Variants in ZNF398 observed in about 807,000 individuals in gnomAD.
ZNF398 encodes zinc finger protein 398.
A neutral mutation model predicts 41.9 loss-of-function variants in ZNF398; 18 were observed. That is an observed-to-expected ratio of 0.43 (90% CI 0.30 to 0.64). The LOEUF is 0.64. ZNF398 is among the 30% of genes least tolerant of loss of function. The pLI, the probability that ZNF398 is intolerant of heterozygous loss-of-function variation, is 0.14. For synonymous variants in ZNF398, 260 were observed against 308.8 expected (o/e 0.84, Z 1.66); for missense variants, 669 against 822.8 (o/e 0.81, Z 2.29).
At chr7:149,126,448 C>T in exon 1 of ZNF398, 1 of 666,992 alleles carries the variant, frequency 1.5e-6, no homozygotes. Flanking sequence ...GGGCACCCTC[C>T]GTGCGGGCCG....
intron 2 of ZNF398, among the ~76,000 whole-genome samples, chr7:149,141,654 C>A (rs1386670765): frequency 6.6e-6 from 1 of 151,926 alleles, no homozygotes; most frequent in African/African-American, 2.4e-5. Flanking sequence ...CGGGGTTTCA[C>A]CGTGTTAGCC....
intron 2 of ZNF398, among the ~76,000 whole-genome samples, chr7:149,159,810 C>G (rs1285485318): frequency 6.6e-6 from 1 of 152,018 alleles, no homozygotes; most frequent in African/African-American, 2.4e-5. Context: ...TCACTTCAGC[C>G]TCCACCTCCC....
At chr7:149,137,786 G>T (rs905860407) in intron 2 of ZNF398, among the ~76,000 whole-genome samples, 1 of 152,050 alleles carries the variant, frequency 6.6e-6, no homozygotes, top group African/African-American at 2.4e-5. Flanking sequence ...TCATTTTTCT[G>T]CATTTATGGG....
chr7:149,132,484 C>T (rs1183015450), intron 2 of ZNF398, among the ~76,000 whole-genome samples: 7 of 152,022 alleles, frequency 4.6e-5, no homozygotes. Flanking sequence ...ATTAGCCACC[C>T]CGCCCGGCCT....
intron 1 of ZNF398, chr7:149,128,783 T>TAAAATAAAATAAA (rs1826538178): frequency 1.4e-4 from 2 of 14,702 alleles, no homozygotes; most frequent in African/African-American, 1.7e-4. Context: ...AATAAAATTA[T>TAAAATAAAATAAA]ATATATATAT....
Position 149,180,625 on chromosome 7 carries a change from C to T in ZNF398, c.*824C>T, listed in dbSNP as rs189473275. On this transcript the variant is annotated 3_prime_UTR_variant, in exon 6 of 6. Transcript: ENST00000475153. ...CTAGAGATCTCAGAGAAATAGCTGG[C>T]TTAACAATGACAGAACAGCTTAAAA... 3 of 152,340 alleles carry T rather than the reference C, an allele frequency of 2.0e-5. No homozygotes were observed. The highest frequency in any genetic ancestry group is 4.8e-5 in the African/African-American group (2 of 41,582). The allele number at this position is 152,340 out of a possible 1,614,324, so 9.4% of individuals were successfully genotyped here.
At chr7:149,177,444 G>A (rs1795487101) in intron 5 of ZNF398, among the ~76,000 whole-genome samples, 1 of 152,048 alleles carries the variant, frequency 6.6e-6, no homozygotes, top group Admixed American at 6.6e-5. Context: ...TAAAAAAAAG[G>A]AAAATATGCA....
At chr7:149,129,352 T>C (rs1052420280) in intron 2 of ZNF398, among the ~76,000 whole-genome samples, 14 of 152,142 alleles carry the variant, frequency 9.2e-5, no homozygotes, top group African/African-American at 3.4e-4. Flanking sequence ...CATATCATTG[T>C]GTGTGAAAAC....
intron 2 of ZNF398, among the ~76,000 whole-genome samples, chr7:149,141,991 C>T (rs548921745): frequency 4.6e-5 from 7 of 152,246 alleles, no homozygotes; most frequent in Non-Finnish European, 1.0e-4. Flanking sequence ...CTTTGCCACT[C>T]AGGCTGGAAT....
chr7:149,155,717 T>TA (rs1229921943), intron 2 of ZNF398, among the ~76,000 whole-genome samples: 48 of 26,470 alleles, frequency 1.8e-3, no homozygotes, highest in Middle Eastern at 0.033. Context: ...ATTTTTTTTT[T>TA]TTTTTTTTTT....
chr7:149,145,728 C>CCCCAAATT (rs1372441607), upstream of ZNF398, among the ~76,000 whole-genome samples: 1 of 152,150 alleles, frequency 6.6e-6, no homozygotes, highest in Non-Finnish European at 1.5e-5. Flanking sequence ...CAAACTCTAA[C>CCCCAAATT]CCCAAATTCC....
intron 1 of ZNF398, 80 bp from the exon 2 acceptor site, chr7:149,153,865 C>T (rs1031469609): frequency 6.9e-6 from 10 of 1,448,544 alleles, no homozygotes; most frequent in African/African-American, 5.6e-5. Flanking sequence ...GACAGTTAAG[C>T]AGTCCTTATC....
At chr7:149,149,524 C>T (rs1036564851) in intron 1 of ZNF398, among the ~76,000 whole-genome samples, 69 of 152,190 alleles carry the variant, frequency 4.5e-4, no homozygotes, top group African/African-American at 1.6e-3. Context: ...CCACCGCGCC[C>T]GGCCTCATGT....
At chr7:149,152,278 T>TTA (rs1457068805) in intron 1 of ZNF398, among the ~76,000 whole-genome samples, 2 of 150,630 alleles carry the variant, frequency 1.3e-5, no homozygotes, top group Non-Finnish European at 3.0e-5. Flanking sequence ...TTTTTTTTTT[T>TTA]GAGACGGAGT....
upstream of ZNF398, among the ~76,000 whole-genome samples, chr7:149,145,248 C>G (rs550245541): frequency 2.3e-4 from 35 of 152,236 alleles, no homozygotes; most frequent in Middle Eastern, 3.4e-3. Flanking sequence ...TGAAGACTTC[C>G]TGGAAAACCA....
intron 2 of ZNF398, among the ~76,000 whole-genome samples, chr7:149,137,658 G>A (rs1194339255): frequency 6.6e-6 from 1 of 152,162 alleles, no homozygotes; most frequent in Non-Finnish European, 1.5e-5. Flanking sequence ...GGGATTACAG[G>A]CGTGAGCCAC....
At chr7:149,126,516 G>C (rs893958647) in exon 1 of ZNF398, 12 of 498,490 alleles carry the variant, frequency 2.4e-5, no homozygotes, top group Non-Finnish European at 3.5e-5. Flanking sequence ...GAGGGATGCG[G>C]TCGAAGACGA....
intron 2 of ZNF398, among the ~76,000 whole-genome samples, chr7:149,137,493 C>T (rs148194290): frequency 7.9e-4 from 120 of 152,028 alleles, no homozygotes; most frequent in African/African-American, 2.5e-3. Flanking sequence ...GCAATTCTCC[C>T]GCCTCAGCCT....
At chr7:149,161,148 C>T (rs1795098734) in intron 2 of ZNF398, among the ~76,000 whole-genome samples, 1 of 152,186 alleles carries the variant, frequency 6.6e-6, no homozygotes, top group African/African-American at 2.4e-5. Context: ...TCTATCCCTC[C>T]TCCTCTTTGC....
Sources: gnomAD v4.1 joint callset for allele counts (sites outside exome capture counted in the v4.1 genomes callset) on GRCh38, gnomAD v4.1.1 for gene constraint, MANE v1.5 for transcripts, NCBI Gene and HGNC (gene_info 2026-07-23, HGNC 2026-07-21) for gene names.